The following CREM variants were observed in gnomAD, a reference collection of about 807,000 sequenced individuals.
The protein encoded by CREM is cAMP-responsive element modulator.
A neutral mutation model predicts 37.3 loss-of-function variants in CREM; 13 were observed. That is an observed-to-expected ratio of 0.35 (90% CI 0.23 to 0.55). CREM has a LOEUF of 0.55. Among genes scored for constraint, CREM ranks in the 20% least tolerant of loss-of-function variants. The pLI, the probability that CREM is intolerant of heterozygous loss-of-function variation, is 0.88. For synonymous variants in CREM, 124 were observed against 120.2 expected, an observed-to-expected ratio of 1.03 and a Z score of -0.21; for missense variants, 296 against 362.3, an observed-to-expected ratio of 0.82 and a Z score of 1.49.
At chr10:35,199,887 CTTT>C (rs5784443) in intron 6 of CREM, among the ~76,000 whole-genome samples, 9 of 121,366 alleles carry the variant, frequency 7.4e-5, no homozygotes, top group East Asian at 4.8e-4. Flanking sequence ...GTTAAAATGG[CTTT>C]TTTTTTTTTT....
In CREM at chr10:35,181,676, C is replaced by A. The variant is rs556014405; in HGVS notation, c.409+2400C>A. 1.6e-4 allele frequency among the ~76,000 whole-genome samples: 25 copies of A among 152,220 alleles called. No homozygotes were observed. In the East Asian group the frequency reaches 4.6e-3, roughly 28 times the overall value. ...GTTGCTTGAGGCCAGGACTTTGAGA[C>A]CAGTCTGGGCAATAGAGTGAGACCC... On this transcript the variant is annotated intron_variant, in intron 5 of 7. Coordinates refer to ENST00000685392, the MANE Select transcript of CREM (RefSeq NM_183011.2).
intron 6 of CREM, among the ~76,000 whole-genome samples, chr10:35,193,550 G>A (rs2095009122): frequency 6.6e-6 from 1 of 152,168 alleles, no homozygotes; most frequent in South Asian, 2.1e-4. Context: ...TGGAGCCCCA[G>A]ATTGAGGTTG....
At chr10:35,203,811 G>C (rs1042712302) in intron 6 of CREM, among the ~76,000 whole-genome samples, 7 of 151,396 alleles carry the variant, frequency 4.6e-5, no homozygotes, top group African/African-American at 1.7e-4. Flanking sequence ...AACAGCAAAC[G>C]TCTACAGAAC....
At chr10:35,179,039 T>A in intron 4 of CREM, 53 bp downstream of exon 4, 1 of 1,546,690 alleles carries the variant, frequency 6.5e-7, no homozygotes, top group South Asian at 1.2e-5. Flanking sequence ...AATGGTAGAA[T>A]AATTATACAT....
intron 3 of CREM, among the ~76,000 whole-genome samples, chr10:35,151,904 T>G (rs1008915571): frequency 2.2e-4 from 33 of 152,342 alleles, no homozygotes; most frequent in African/African-American, 7.9e-4. Flanking sequence ...CACCAGCAGC[T>G]GTTCGTTTAT....
At chr10:35,176,985 G>A (rs1172265905) in intron 3 of CREM, among the ~76,000 whole-genome samples, 1 of 151,872 alleles carries the variant, frequency 6.6e-6, no homozygotes, top group African/African-American at 2.4e-5. Flanking sequence ...ATTTTTTAAA[G>A]TATGCATCTT....
chr10:35,159,151 G>A (rs1008976664), intron 3 of CREM, among the ~76,000 whole-genome samples: 4 of 152,018 alleles, frequency 2.6e-5, no homozygotes, highest in Non-Finnish European at 4.4e-5. Context: ...TATTGGTATA[G>A]TTGTTTGGGT....
intron 3 of CREM, among the ~76,000 whole-genome samples, chr10:35,172,470 CAGT>C (rs1348682409): frequency 6.6e-6 from 1 of 152,006 alleles, no homozygotes; most frequent in Non-Finnish European, 1.5e-5. Flanking sequence ...GGTGCAAAAA[CAGT>C]GGTGGTGGGG....
At chr10:35,131,265 T>C (rs977983017) in intron 1 of CREM, among the ~76,000 whole-genome samples, 6 of 152,218 alleles carry the variant, frequency 3.9e-5, no homozygotes, top group Admixed American at 3.3e-4. Context: ...GGAGCTAATG[T>C]GATGCTAATA....
intron 1 of CREM, among the ~76,000 whole-genome samples, chr10:35,132,560 T>C (rs1304667983): frequency 6.6e-6 from 1 of 152,198 alleles, no homozygotes. Context: ...ATTAAAGACA[T>C]TTACAAGTGT....
chr10:35,208,259 C>T (rs2095582655), intron 7 of CREM, among the ~76,000 whole-genome samples: 1 of 152,132 alleles, frequency 6.6e-6, no homozygotes, highest in Non-Finnish European at 1.5e-5. Flanking sequence ...TAGGATACCT[C>T]CTATTATAGT....
At chr10:35,197,487 C>T (rs1055189400) in intron 6 of CREM, among the ~76,000 whole-genome samples, 1 of 151,704 alleles carries the variant, frequency 6.6e-6, no homozygotes, top group African/African-American at 2.4e-5. Context: ...GAGTCTCGCT[C>T]TGTCGCCCAG....
At chr10:35,152,342 G>A (rs2136100767) in intron 3 of CREM, 2 of 152,340 alleles carry the variant, frequency 1.3e-5, no homozygotes, top group South Asian at 4.1e-4. Flanking sequence ...GTTGAGCTTG[G>A]TTTTGGCTGT....
At chr10:35,140,848 A>G (rs1246378178) in intron 2 of CREM, among the ~76,000 whole-genome samples, 1 of 152,200 alleles carries the variant, frequency 6.6e-6, no homozygotes, top group Non-Finnish European at 1.5e-5. Context: ...AAACTGGGAG[A>G]GTAAGATATG....
At chr10:35,132,812 A>T (rs1232531787) in intron 1 of CREM, among the ~76,000 whole-genome samples, 1 of 152,188 alleles carries the variant, frequency 6.6e-6, no homozygotes, top group African/African-American at 2.4e-5. Flanking sequence ...TTCTCTTATA[A>T]CTAGTCCCAC....
chr10:35,151,303 T>C (rs1440697759), intron 3 of CREM, among the ~76,000 whole-genome samples: 1 of 152,198 alleles, frequency 6.6e-6, no homozygotes, highest in Non-Finnish European at 1.5e-5. Flanking sequence ...TCTTGGAGTT[T>C]TGCTGTTTTT....
intron 3 of CREM, among the ~76,000 whole-genome samples, chr10:35,160,356 G>T (rs1257781555): frequency 6.6e-6 from 1 of 152,142 alleles, no homozygotes; most frequent in African/African-American, 2.4e-5. Context: ...CAGCGAGTGG[G>T]CAGTGAGGGA....
intron 3 of CREM, among the ~76,000 whole-genome samples, chr10:35,162,101 G>T (rs2093329907): frequency 6.6e-6 from 1 of 152,174 alleles, no homozygotes; most frequent in Non-Finnish European, 1.5e-5. Context: ...CCATAAAAAA[G>T]AATGAAGTGT....
chr10:35,204,779 T>C (rs1233602511), intron 6 of CREM, among the ~76,000 whole-genome samples: 1 of 152,176 alleles, frequency 6.6e-6, no homozygotes, highest in Non-Finnish European at 1.5e-5. Context: ...TTCTCAAGCC[T>C]TAGAAGGCAG....
Sources: allele counts gnomAD v4.1 joint callset (sites outside exome capture counted in the v4.1 genomes callset), GRCh38; gene constraint gnomAD v4.1.1; transcripts MANE v1.5; gene names NCBI Gene and HGNC (gene_info 2026-07-23, HGNC 2026-07-21).